Variants in ZBTB38 observed in about 807,000 individuals in gnomAD.
The protein encoded by ZBTB38 is zinc finger and BTB domain-containing protein 38.
ZBTB38 carries 20 observed loss-of-function variants against 76.8 expected under a neutral mutation model. That is an observed-to-expected ratio of 0.26 (90% CI 0.18 to 0.38). The LOEUF (loss-of-function observed/expected upper bound fraction) is 0.38. ZBTB38 is among the 10% of genes least tolerant of loss of function. ZBTB38 has a pLI of 1.00. For missense variants in ZBTB38, 1,082 were observed against 1,482.3 expected (o/e 0.73, Z 4.43); for synonymous variants, 504 against 544.2 (o/e 0.93, Z 1.03).
chr3:141,373,211 A>G (rs754775839), intron 2 of ZBTB38, among the ~76,000 whole-genome samples: 6 of 152,266 alleles, frequency 3.9e-5, no homozygotes, highest in Non-Finnish European at 8.8e-5. Context: ...ATCAAAGGAG[A>G]CAGCCTGGGA....
chr3:141,373,748 G>A (rs2149061743), intron 2 of ZBTB38, among the ~76,000 whole-genome samples: 1 of 152,298 alleles, frequency 6.6e-6, no homozygotes, highest in South Asian at 2.1e-4. Context: ...AGTATTGTTA[G>A]AAAATGTAAT....
chr3:141,354,193 C>A (rs1305141055), intron 1 of ZBTB38, among the ~76,000 whole-genome samples: 1 of 152,090 alleles, frequency 6.6e-6, no homozygotes, highest in African/African-American at 2.4e-5. Context: ...ACAAGGAAAT[C>A]ATTACTAACC....
intron 1 of ZBTB38, among the ~76,000 whole-genome samples, chr3:141,347,853 C>T (rs1047077167): frequency 4.6e-5 from 7 of 152,230 alleles, no homozygotes; most frequent in Non-Finnish European, 5.9e-5. Flanking sequence ...GGAGTGACTT[C>T]CTGCTGTCAC....
chr3:141,396,623 C>A, intron 4 of ZBTB38: 1 of 174,386 alleles, frequency 5.7e-6, no homozygotes, highest in South Asian at 1.7e-4. Context: ...AGAGCAATCA[C>A]TGTCTATGGC....
chr3:141,424,535 T>C (rs1361213271), intron 5 of ZBTB38, among the ~76,000 whole-genome samples: 1 of 151,956 alleles, frequency 6.6e-6, no homozygotes, highest in African/African-American at 2.4e-5. Flanking sequence ...AAAATAAAAA[T>C]AAAAAATAAT....
At chr3:141,389,462 T>TTC (rs1318060722) in intron 4 of ZBTB38, 1 of 151,842 alleles carries the variant, frequency 6.6e-6, no homozygotes, top group Non-Finnish European at 1.5e-5. Flanking sequence ...TTTTTTTTTT[T>TTC]TTTTTGGCTG....
chr3:141,370,866 G>T (rs1178719233), intron 2 of ZBTB38, among the ~76,000 whole-genome samples: 1 of 152,080 alleles, frequency 6.6e-6, no homozygotes, highest in African/African-American at 2.4e-5. Flanking sequence ...AGCCCCAGTG[G>T]TCTATAGGAA....
intron 1 of ZBTB38, among the ~76,000 whole-genome samples, chr3:141,351,612 A>G (rs1034673763): frequency 1.3e-5 from 2 of 150,936 alleles, no homozygotes; most frequent in Admixed American, 6.6e-5. Flanking sequence ...ACATGCCTGT[A>G]GTCCTAGTTA....
upstream of ZBTB38, chr3:141,366,357 T>C (rs1054045530): frequency 1.3e-5 from 2 of 152,172 alleles, no homozygotes; most frequent in Admixed American, 1.3e-4. Flanking sequence ...AGCAGGGAGG[T>C]GCCCAGAGGC....
intron 1 of ZBTB38, among the ~76,000 whole-genome samples, chr3:141,344,810 A>G (rs1943297270): frequency 6.6e-6 from 1 of 152,254 alleles, no homozygotes; most frequent in Admixed American, 6.5e-5. Flanking sequence ...CAGATCTTGC[A>G]GGATAATTTC....
At chr3:141,356,296 T>G (rs1286592163) in intron 1 of ZBTB38, among the ~76,000 whole-genome samples, 1 of 152,124 alleles carries the variant, frequency 6.6e-6, no homozygotes, top group Admixed American at 6.6e-5. Context: ...GGAATAGGAC[T>G]GCTCATACAG....
chr3:141,423,140 G>A (rs2075750948), intron 5 of ZBTB38, among the ~76,000 whole-genome samples: 1 of 152,130 alleles, frequency 6.6e-6, no homozygotes, highest in Admixed American at 6.5e-5. Context: ...AGGACTTAGA[G>A]GAAGCTCTTA....
chr3:141,434,028 A>C (rs1436902825), intron 5 of ZBTB38: 1 of 214,430 alleles, frequency 4.7e-6, no homozygotes, highest in African/African-American at 2.4e-5. Context: ...CACTCTCAAC[A>C]TCACCAACAA....
At chr3:141,328,253 T>C (rs985365995) in intron 1 of ZBTB38, among the ~76,000 whole-genome samples, 1 of 152,194 alleles carries the variant, frequency 6.6e-6, no homozygotes, top group African/African-American at 2.4e-5. Flanking sequence ...CCCGACATTT[T>C]TCTGTCCTCA....
Position 141,444,481 on chromosome 3 carries a change from A to G in ZBTB38, c.2093A>G (p.Asn698Ser), listed in dbSNP as rs766550410. 2.1e-5 allele frequency: 34 copies of G among 1,614,004 alleles called. No homozygotes were observed. The Middle Eastern group carries it at 4.9e-4, about 23-fold the overall frequency. ...AGDVPVLSLS[N>S]SSENAASVIS... ...GATGTACCTGTTTTATCTTTGAGTA[A>G]TAGCAGTGAGAATGCCGCCTCTGTG... Residue 698 changes from asparagine (N) to serine (S), a missense_variant, in exon 6 of 6, where the codon AAT becomes AGT. This residue lies in a region of ZBTB38 where 471 missense variants were observed against 581.0 expected (regional missense o/e 0.81). Transcript: ENST00000321464. The surrounding 1 kb of genome is among the most constrained non-coding windows in gnomAD (Gnocchi z 5.1).
chr3:141,446,717 T>G lies in ZBTB38; in HGVS notation c.*741T>G, dbSNP rs186378005. The G allele has an allele frequency of 6.5e-6, 1 of 152,786 alleles. No individual in the cohort carries two copies. Among genetic ancestry groups the G allele is most frequent in the East Asian group, 1.9e-4 (1 of 5,192 alleles). 9.5% of individuals were successfully genotyped at this position (152,786 alleles called of 1,614,324 possible). On this transcript the variant is annotated 3_prime_UTR_variant, in exon 6 of 6. Transcript: ENST00000321464. ...ATTTTGAATATGATTTAAGAGCATG[T>G]GAATGCTTTTAGATGGAATGCTGTT...
intron 2 of ZBTB38, among the ~76,000 whole-genome samples, chr3:141,380,206 A>C (rs1489953781): frequency 6.6e-6 from 1 of 152,176 alleles, no homozygotes; most frequent in Non-Finnish European, 1.5e-5. Context: ...GGCATTTTCT[A>C]AAGCGTCTTC....
At chr3:141,368,959 A>T (rs1944126315) in intron 1 of ZBTB38, among the ~76,000 whole-genome samples, 155 bp downstream of exon 1, 4 of 144,182 alleles carry the variant, frequency 2.8e-5, no homozygotes, top group Admixed American at 1.4e-4. Context: ...CCCCAAAGGG[A>T]TCTGATATCT....
At chr3:141,358,363 T>C (rs946492696) in intron 1 of ZBTB38, among the ~76,000 whole-genome samples, 1 of 152,214 alleles carries the variant, frequency 6.6e-6, no homozygotes, top group African/African-American at 2.4e-5. Context: ...ACAGGTTGTG[T>C]GTCTGGAAGC....
Sources: allele counts gnomAD v4.1 joint callset (sites outside exome capture counted in the v4.1 genomes callset), GRCh38; gene constraint gnomAD v4.1.1; regional missense constraint gnomAD v4.1.1; non-coding constraint Gnocchi (gnomAD v3.1); transcripts MANE v1.5; gene names NCBI Gene and HGNC (gene_info 2026-07-23, HGNC 2026-07-21).